Variants in CPVL observed in about 807,000 individuals in gnomAD.
CPVL encodes carboxypeptidase vitellogenic like.
CPVL carries 51 observed loss-of-function variants against 63.7 expected under a neutral mutation model. The observed-to-expected ratio is 0.80, with a 90% CI of 0.64 to 1.01. The LOEUF (loss-of-function observed/expected upper bound fraction) is 1.01, where lower values mean the gene tolerates loss of function less well. Ranked by LOEUF, CPVL falls within the 50% of genes least tolerant of loss-of-function variation. The pLI is 0.00. For missense variants in CPVL, 530 were observed against 573.1 expected, an observed-to-expected ratio of 0.92 and a Z score of 0.77; for synonymous variants, 195 against 206.0, an observed-to-expected ratio of 0.95 and a Z score of 0.46.
chr7:29,019,068 T>TA (rs1786700361), intron 12 of CPVL, among the ~76,000 whole-genome samples: 1 of 151,802 alleles, frequency 6.6e-6, no homozygotes, highest in Admixed American at 6.6e-5. Flanking sequence ...TATATATATA[T>TA]TTACATATCT....
intron 12 of CPVL, among the ~76,000 whole-genome samples, chr7:29,024,515 A>C (rs942523754): frequency 1.3e-5 from 2 of 152,228 alleles, no homozygotes; most frequent in Non-Finnish European, 2.9e-5. Context: ...AAATGGATTC[A>C]ATCCAAAAAT....
Position 29,072,380 on chromosome 7 carries a change from T to C in CPVL, c.653A>G (p.His218Arg), listed in dbSNP as rs1204159438. 7.4e-6 allele frequency: 12 copies of C among 1,613,934 alleles called. No homozygotes were observed. Among genetic ancestry groups the C allele is most frequent in the South Asian group, 6.6e-5 (6 of 91,078 alleles). ...CACCTCTCTCACAGGGTTGAGGGAATGGATGAGGTGTGCAATGGCTGGCAC... is the reference window on the plus strand; with the variant it reads ...CACCTCTCTCACAGGGTTGAGGGAACGGATGAGGTGTGCAATGGCTGGCAC... ...KYVPAIAHLI[H>R]SLNPVREVKI... The change falls in exon 8 of 13, where the codon CAT (histidine) becomes CGT (arginine). Residue 218 changes from histidine to arginine, a missense_variant. By Grantham distance (29) the His-to-Arg change is conservative. Coordinates refer to ENST00000265394, the MANE Select transcript of CPVL (RefSeq NM_031311.5).
chr7:29,098,240 G>T (rs895415797), intron 3 of CPVL, among the ~76,000 whole-genome samples: 4 of 152,204 alleles, frequency 2.6e-5, no homozygotes, highest in African/African-American at 9.6e-5. Context: ...AGGTGACTGG[G>T]ATGCCACCGC....
intron 1 of CPVL, among the ~76,000 whole-genome samples, chr7:29,131,854 G>GAGGC (rs1226377431): frequency 6.6e-6 from 1 of 152,204 alleles, no homozygotes; most frequent in Non-Finnish European, 1.5e-5. Context: ...CACTTCAATA[G>GAGGC]AGGCCCATGC....
intron 6 of CPVL, among the ~76,000 whole-genome samples, chr7:29,091,781 G>C (rs947441827): frequency 6.6e-6 from 1 of 152,292 alleles, no homozygotes; most frequent in Admixed American, 6.5e-5. Flanking sequence ...CTCTCCCCCC[G>C]GCCACCTATC....
chr7:29,068,883 G>C (rs1041542852), intron 9 of CPVL, among the ~76,000 whole-genome samples: 1 of 150,604 alleles, frequency 6.6e-6, no homozygotes, highest in Non-Finnish European at 1.5e-5. Context: ...TTTTAGTAGA[G>C]ACGGGGTTTC....
At chr7:29,148,892 G>T (rs1184576031), upstream of CPVL, among the ~76,000 whole-genome samples, 2 of 152,090 alleles carry the variant, frequency 1.3e-5, no homozygotes, top group Non-Finnish European at 2.9e-5. Context: ...AAATGACTCT[G>T]CCCGAAGAGC....
chr7:29,132,452 T>C (rs1053109338), intron 1 of CPVL, among the ~76,000 whole-genome samples: 5 of 152,062 alleles, frequency 3.3e-5, no homozygotes, highest in Admixed American at 2.0e-4. Context: ...AGGGGTAGGG[T>C]GTCAGGCAGA....
chr7:29,039,680 CAT>C lies in CPVL; in HGVS notation c.1138-8923_1138-8922del, dbSNP rs202218650. Among the ~76,000 whole-genome samples, 1,469 of 151,812 alleles carry C rather than the reference CAT, an allele frequency of 9.7e-3. 24 individuals are homozygous for C. Among genetic ancestry groups the C allele is most frequent in the African/African-American group, 0.034 (1,388 of 41,390 alleles). On this transcript the variant is annotated intron_variant, in intron 11 of 12. Coordinates refer to ENST00000265394, the MANE Select transcript of CPVL (RefSeq NM_031311.5). ...GTTGTGGTTAAAAAAAAAAAGCACA[CAT>C]GTTACTGACAGAGAACACAAAACTT...
At chr7:29,011,546 G>C (rs1309215971) in intron 12 of CPVL, 2 of 152,240 alleles carry the variant, frequency 1.3e-5, no homozygotes, top group African/African-American at 2.4e-5. Flanking sequence ...CAGCACTTCA[G>C]CCTAGGTGAC....
intron 3 of CPVL, among the ~76,000 whole-genome samples, chr7:29,109,491 A>G (rs323189): frequency 0.02 from 2,989 of 152,254 alleles, 107 homozygotes; most frequent in African/African-American, 0.07. Context: ...CTCAGTGACC[A>G]CTGCTTCTTC....
intron 6 of CPVL, among the ~76,000 whole-genome samples, chr7:29,091,486 A>C (rs1244470768): frequency 6.6e-6 from 1 of 152,136 alleles, no homozygotes; most frequent in East Asian, 1.9e-4. Context: ...GGCTCTGAAG[A>C]AGCCTGTGAG....
chr7:29,022,480 C>G (rs1016554751), intron 12 of CPVL, among the ~76,000 whole-genome samples: 4 of 152,172 alleles, frequency 2.6e-5, no homozygotes, highest in African/African-American at 4.8e-5. Flanking sequence ...ACACGCATCA[C>G]CCACATATGC....
chr7:29,024,671 C>G (rs188588208), intron 12 of CPVL, among the ~76,000 whole-genome samples: 1 of 152,088 alleles, frequency 6.6e-6, no homozygotes, highest in South Asian at 2.1e-4. Flanking sequence ...TTATAAGCCA[C>G]GAGAAAATGA....
At chr7:29,143,893 T>G (rs747714512) in intron 1 of CPVL, among the ~76,000 whole-genome samples, 8 of 152,202 alleles carry the variant, frequency 5.3e-5, no homozygotes, top group Non-Finnish European at 1.0e-4. Flanking sequence ...AGGTTATACC[T>G]CTAATATCTC....
chr7:29,069,651 T>C (rs1361935582), intron 9 of CPVL, among the ~76,000 whole-genome samples: 2 of 152,056 alleles, frequency 1.3e-5, no homozygotes, highest in Non-Finnish European at 1.5e-5. Context: ...ATAGGATAAA[T>C]ACTGTGGTGG....
At chr7:28,997,306 T>A (rs1784179903) in intron 12 of CPVL, among the ~76,000 whole-genome samples, 1 of 152,206 alleles carries the variant, frequency 6.6e-6, no homozygotes, top group Non-Finnish European at 1.5e-5. Flanking sequence ...AGCTGCAGAA[T>A]CACGATCAGC....
At chr7:29,151,647 A>C (rs1321328122) in intron 5 of CPVL, among the ~76,000 whole-genome samples, 4 of 152,200 alleles carry the variant, frequency 2.6e-5, no homozygotes, top group African/African-American at 7.2e-5. Context: ...TATTATGATG[A>C]ACCTGCCAGT....
intron 11 of CPVL, among the ~76,000 whole-genome samples, chr7:29,031,880 TG>T (rs1401241585): frequency 1.3e-5 from 2 of 152,168 alleles, no homozygotes; most frequent in Non-Finnish European, 2.9e-5. Flanking sequence ...TCAAGTATAA[TG>T]TATATCACAA....
Sources: allele counts gnomAD v4.1 joint callset (sites outside exome capture counted in the v4.1 genomes callset), GRCh38; gene constraint gnomAD v4.1.1; transcripts MANE v1.5; gene names NCBI Gene and HGNC (gene_info 2026-07-23, HGNC 2026-07-21).